PIK3CD: variants seen among roughly 807,000 people sequenced by gnomAD.
The protein encoded by PIK3CD is phosphatidylinositol-4,5-bisphosphate 3-kinase catalytic subunit delta.
A neutral mutation model predicts 122.9 loss-of-function variants in PIK3CD; 20 were observed. That is an observed-to-expected ratio of 0.16 (90% CI 0.11 to 0.24). The LOEUF (loss-of-function observed/expected upper bound fraction) is 0.24, where lower values mean the gene tolerates loss of function less well. Among genes scored for constraint, PIK3CD ranks in the 10% least tolerant of loss-of-function variants. The pLI, the probability that PIK3CD is intolerant of heterozygous loss-of-function variation, is 1.00. For synonymous variants in PIK3CD, 596 were observed against 593.4 expected (o/e 1.00, Z -0.06); for missense variants, 787 against 1,406.3 (o/e 0.56, Z 7.04).
intron 1 of PIK3CD, among the ~76,000 whole-genome samples, chr1:9,683,253 A>G (rs1479312214): frequency 2.0e-5 from 3 of 151,716 alleles, no homozygotes; most frequent in Non-Finnish European, 1.5e-5. Flanking sequence ...CCTGGCTCAC[A>G]CGGTGAAAAC....
the PIK3CD span, among the ~76,000 whole-genome samples, chr1:9,644,208 G>T: frequency 6.6e-6 from 1 of 152,174 alleles, no homozygotes; most frequent in Admixed American, 6.5e-5. Context: ...CTGCAGGAGA[G>T]GGTTACAGGA....
chr1:9,684,865 A>T (rs931329246), intron 1 of PIK3CD, among the ~76,000 whole-genome samples: 3 of 151,004 alleles, frequency 2.0e-5, no homozygotes, highest in Non-Finnish European at 4.4e-5. Context: ...AAAAAAAGAA[A>T]GAAAAAAGAA....
At chr1:9,675,315 G>A (rs1645486786) in intron 1 of PIK3CD, among the ~76,000 whole-genome samples, 1 of 148,818 alleles carries the variant, frequency 6.7e-6, no homozygotes. Context: ...GAACCTGGGA[G>A]GCGGAGCTTG....
At chr1:9,669,277 G>A (rs1292609899) in intron 1 of PIK3CD, among the ~76,000 whole-genome samples, 1 of 152,022 alleles carries the variant, frequency 6.6e-6, no homozygotes, top group Non-Finnish European at 1.5e-5. Flanking sequence ...CAAGTGATCC[G>A]CCCACCTAGT....
chr1:9,720,871 C>T lies in PIK3CD; in HGVS notation c.1651C>T (p.Leu551=), dbSNP rs1648518909. 1.2e-6 allele frequency: 2 copies of T among 1,606,700 alleles called. No individual in the cohort carries two copies. Among genetic ancestry groups the T allele is most frequent in the Non-Finnish European group, 1.7e-6 (2 of 1,176,852 alleles). ...HFPEALARLL[L]VTKWNKHEDV... ...CCCGGAGGCGCTAGCCCGGCTGCTG[C>T]TGGTCACCAAGTGGAACAAGCATGA... is the stretch of plus-strand genomic sequence containing the variant. The change falls in exon 13 of 24, where the codon CTG becomes TTG. Residue 551 remains leucine (L), a synonymous_variant. Transcript: ENST00000377346. The surrounding 1 kb of genome is among the most constrained non-coding windows in gnomAD (Gnocchi z 9.0).
rs991301765 is a variant in PIK3CD at position 9,718,094 on chromosome 1, G to A, written c.1020+468G>A. 1.5e-5 allele frequency: 7 copies of A among 466,420 alleles called. No homozygotes were observed. Among genetic ancestry groups the A allele is most frequent in the Non-Finnish European group, 2.6e-5 (6 of 234,192 alleles). The allele number at this position is 466,420 out of a possible 1,614,324, so 28.9% of individuals were successfully genotyped here. A position where few individuals can be genotyped will look rare whatever the true frequency, so the allele number is the denominator to read the frequency against. ...TCTTAACACTTTCACACGCTCCATC[G>A]CAACAGCCTGCAGTCATGGGCTTTA... On this transcript the variant is annotated intron_variant, in intron 8 of 23. Transcript: ENST00000377346. This position sits in a 1 kb window ranked among gnomAD's most constrained non-coding sequence, Gnocchi z 7.2.
intron 2 of PIK3CD, among the ~76,000 whole-genome samples, chr1:9,699,957 T>C (rs1318410908): frequency 1.3e-5 from 2 of 152,096 alleles, no homozygotes; most frequent in Non-Finnish European, 2.9e-5. Flanking sequence ...GCTGGATCCT[T>C]CTCTCACTTG....
rs575516979 is a variant in PIK3CD at position 9,655,730 on chromosome 1, C to T, written c.-138+3928C>T. Among the ~76,000 whole-genome samples, 8 of 141,598 alleles carry T rather than the reference C, an allele frequency of 5.6e-5. No individual in the cohort carries two copies. In the East Asian group the frequency reaches 1.7e-3, roughly 30 times the overall value. The allele number at this position is 141,598 out of a possible 152,430, so 92.9% of individuals were successfully genotyped here. Reference sequence around the variant, plus strand: ...TTTTTTTTTTTGAGACGGAGTCTCGCTTTGTCGCCCAGGCTGGAGTGCAAT... The same window carrying T: ...TTTTTTTTTTTGAGACGGAGTCTCGTTTTGTCGCCCAGGCTGGAGTGCAAT... On this transcript the variant is annotated intron_variant, in intron 1 of 23. Transcript: ENST00000377346.
At position 9,689,619 on chromosome 1, in the gene PIK3CD, G is replaced by A. The variant is rs934642471; in HGVS notation, c.-137-1848G>A. Among the ~76,000 whole-genome samples the A allele has an allele frequency of 4.3e-4, 65 of 151,206 alleles. No individual in the cohort carries two copies. The highest frequency in any genetic ancestry group is 8.0e-4 in the Non-Finnish European group (54 of 67,614). ...CGGCCCCCGCCGGCCCCGCGCCGCT[G>A]CCCGGAGGCTGGCGTCTTCCCGTCA... On this transcript the variant is annotated intron_variant, in intron 1 of 23. Coordinates refer to ENST00000377346, the MANE Select transcript of PIK3CD (RefSeq NM_005026.5). The surrounding 1 kb of genome is among the most constrained non-coding windows in gnomAD (Gnocchi z 6.1).
At chr1:9,668,469 C>CT (rs1389585003) in intron 1 of PIK3CD, among the ~76,000 whole-genome samples, 1 of 144,900 alleles carries the variant, frequency 6.9e-6, no homozygotes, top group Admixed American at 7.0e-5. Context: ...TTGGCAAATA[C>CT]TTTATTTTTA....
At position 9,720,556 on chromosome 1, in the gene PIK3CD, C is replaced by T; in HGVS notation, c.1471-55C>T. The T allele has an allele frequency of 1.9e-6, 3 of 1,548,408 alleles. No individual in the cohort carries two copies. The highest frequency in any genetic ancestry group is 2.6e-6 in the Non-Finnish European group (3 of 1,145,738). On this transcript the variant is annotated intron_variant, in intron 11 of 23. Coordinates refer to ENST00000377346, the MANE Select transcript of PIK3CD (RefSeq NM_005026.5). This position sits in a 1 kb window ranked among gnomAD's most constrained non-coding sequence, Gnocchi z 9.0. Reference sequence around the variant, plus strand: ...GGGTGGCAATGCCCGGCCTGGGGGTCCTGCCCGGGCTGGTCCAGGCCCCTG... The same window carrying T: ...GGGTGGCAATGCCCGGCCTGGGGGTTCTGCCCGGGCTGGTCCAGGCCCCTG...
In PIK3CD at chr1:9,717,050, A is replaced by C. The variant is rs2100868152; in HGVS notation, c.872A>C (p.Asn291Thr). 1 of 1,613,880 alleles carries C rather than the reference A, an allele frequency of 6.2e-7. No individual in the cohort carries two copies. The highest frequency in any genetic ancestry group is 1.3e-5 in the African/African-American group (1 of 75,014). The change falls in exon 7 of 24, where the codon AAC becomes ACC. Residue 291 changes from asparagine (N) to threonine (T), a missense_variant. By Grantham distance (65) the Asn-to-Thr change is moderately conservative (BLOSUM62 0). Coordinates refer to ENST00000377346, the MANE Select transcript of PIK3CD (RefSeq NM_005026.5). This position sits in a 1 kb window ranked among gnomAD's most constrained non-coding sequence, Gnocchi z 5.4. ...CTCGCCATGCGGGATGAGCAGAGCA[A>C]CCCTGCCCCCCAGGTCCAGAAACCG... ...SILAMRDEQS[N>T]PAPQVQKPRA...
intron 2 of PIK3CD, among the ~76,000 whole-genome samples, chr1:9,693,176 CA>C (rs1296377254): frequency 6.6e-6 from 1 of 152,088 alleles, no homozygotes; most frequent in Admixed American, 6.6e-5. Flanking sequence ...TATCCTCCCC[CA>C]AACCCCTCAG....
chr1:9,655,882 T>C (rs575211872), intron 1 of PIK3CD, among the ~76,000 whole-genome samples: 1 of 151,970 alleles, frequency 6.6e-6, no homozygotes, highest in Non-Finnish European at 1.5e-5. Context: ...TTTTTAGCAG[T>C]GACGGTGTTT....
intron 2 of PIK3CD, among the ~76,000 whole-genome samples, chr1:9,693,085 A>G (rs1023137491): frequency 1.8e-4 from 27 of 152,182 alleles, no homozygotes; most frequent in Admixed American, 5.9e-4. Flanking sequence ...GGAAAATACC[A>G]AAAACATACA....
In PIK3CD at chr1:9,720,846, C is replaced by T. The variant is rs771209593; in HGVS notation, c.1626C>T (p.Phe542=). 1.4e-5 allele frequency: 23 copies of T among 1,611,828 alleles called. No homozygotes were observed. Among genetic ancestry groups the T allele is most frequent in the Middle Eastern group, 3.3e-4 (2 of 6,076 alleles). ...TGCGGCATGAAGTCCAGGAGCACTTCCCGGAGGCGCTAGCCCGGCTGCTGC... is the reference window on the plus strand; with the variant it reads ...TGCGGCATGAAGTCCAGGAGCACTTTCCGGAGGCGCTAGCCCGGCTGCTGC... ...WKLRHEVQEH[F]PEALARLLLV... Residue 542 remains phenylalanine, a synonymous_variant, in exon 13 of 24, where the codon TTC becomes TTT. Coordinates refer to ENST00000377346, the MANE Select transcript of PIK3CD (RefSeq NM_005026.5). This position sits in a 1 kb window ranked among gnomAD's most constrained non-coding sequence, Gnocchi z 9.0.
chr1:9,659,149 A>T (rs955277306), intron 1 of PIK3CD, among the ~76,000 whole-genome samples: 1 of 149,474 alleles, frequency 6.7e-6, no homozygotes, highest in Non-Finnish European at 1.5e-5. Context: ...AACAACACAC[A>T]CTGGGGCTTG....
chr1:9,724,607 G>C lies in PIK3CD; in HGVS notation c.2864+186G>C, dbSNP rs924341971. Among the ~76,000 whole-genome samples the C allele has an allele frequency of 6.6e-6, 1 of 152,330 alleles. No individual in the cohort carries two copies. Among genetic ancestry groups the C allele is most frequent in the African/African-American group, 2.4e-5 (1 of 41,578 alleles). On this transcript the variant is annotated intron_variant, in intron 22 of 23. Transcript: ENST00000377346. This position sits in a 1 kb window ranked among gnomAD's most constrained non-coding sequence, Gnocchi z 7.3. The stretch of plus-strand genomic sequence containing the variant: ...CTGCAGTGCCCCTTTTGGGCAATGT[G>C]GGCAGGTTTGTGGGTCATGTAGCAG...
the PIK3CD span, among the ~76,000 whole-genome samples, chr1:9,641,798 C>G: frequency 6.6e-6 from 1 of 152,210 alleles, no homozygotes; most frequent in Non-Finnish European, 1.5e-5. Context: ...GTATTCCCAC[C>G]TGGCCACCTC....
Sources: allele counts gnomAD v4.1 joint callset (sites outside exome capture counted in the v4.1 genomes callset), GRCh38; gene constraint gnomAD v4.1.1; non-coding constraint Gnocchi (gnomAD v3.1); transcripts MANE v1.5; gene names NCBI Gene and HGNC (gene_info 2026-07-23, HGNC 2026-07-21).